The following SCFD2 variants were observed in gnomAD, a reference collection of about 807,000 sequenced individuals.
SCFD2 encodes sec1 family domain-containing protein 2.
In SCFD2, 54 loss-of-function variants were observed where a neutral mutation model predicts 58.9. That is an observed-to-expected ratio of 0.92 (90% confidence interval 0.74 to 1.15). SCFD2 has a LOEUF of 1.15. SCFD2 is among the 50% of genes most tolerant of loss of function. The pLI is 0.00. For missense variants in SCFD2, 805 were observed against 836.6 expected (o/e 0.96, Z 0.47); for synonymous variants, 321 against 335.9 (o/e 0.96, Z 0.49).
At chr4:52,965,949 C>A (rs961185484) in intron 5 of SCFD2, among the ~76,000 whole-genome samples, 3 of 152,288 alleles carry the variant, frequency 2.0e-5, no homozygotes, top group Admixed American at 6.5e-5. Context: ...GGTAAACATG[C>A]CAAATACAGA....
chr4:53,117,202 T>C (rs1725349019), intron 5 of SCFD2, among the ~76,000 whole-genome samples: 1 of 151,956 alleles, frequency 6.6e-6, no homozygotes, highest in Non-Finnish European at 1.5e-5. Flanking sequence ...AACACAGGAG[T>C]AGCACAAGAG....
chr4:52,899,845 A>T (rs1303937664), intron 7 of SCFD2, among the ~76,000 whole-genome samples: 2 of 151,816 alleles, frequency 1.3e-5, no homozygotes, highest in African/African-American at 2.4e-5. Flanking sequence ...GGCTTTGTTC[A>T]TTTCTTTTTA....
At position 53,143,795 on chromosome 4, in the gene SCFD2, T is replaced by TACACACACAC. The variant is rs113492027; in HGVS notation, c.1561+1528_1561+1537dup. ...GAAGAAGTCTTCATACACCTAAACA[T>TACACACACAC]ACACACACACACACACACACACACA... On this transcript the variant is annotated intron_variant, in intron 5 of 8. Transcript: ENST00000401642. Among the ~76,000 whole-genome samples, 355 of 146,652 alleles carry TACACACACAC rather than the reference T, an allele frequency of 2.4e-3. 2 individuals carry two copies. The highest frequency in any genetic ancestry group is 0.011 in the South Asian group (51 of 4,500).
intron 4 of SCFD2, among the ~76,000 whole-genome samples, chr4:53,201,970 A>T (rs868548540): frequency 1.3e-5 from 2 of 151,756 alleles, no homozygotes; most frequent in African/African-American, 2.4e-5. Flanking sequence ...TCCCATTCTG[A>T]AGGTTGCCTG....
At chr4:53,016,866 T>C (rs1722225622) in intron 5 of SCFD2, among the ~76,000 whole-genome samples, 1 of 152,166 alleles carries the variant, frequency 6.6e-6, no homozygotes, top group African/African-American at 2.4e-5. Flanking sequence ...CCCAGCACTT[T>C]GGGAGGCCAA....
chr4:53,360,494 C>T (rs1379080582), intron 1 of SCFD2, among the ~76,000 whole-genome samples: 1 of 152,212 alleles, frequency 6.6e-6, no homozygotes, highest in Non-Finnish European at 1.5e-5. Context: ...GACCACAAAT[C>T]AAAACTTGGT....
chr4:53,016,990 C>T (rs1019931826), intron 5 of SCFD2, among the ~76,000 whole-genome samples: 11 of 152,138 alleles, frequency 7.2e-5, no homozygotes, highest in Admixed American at 5.2e-4. Flanking sequence ...CACCTATAAT[C>T]GCAGCTACTT....
chr4:53,330,703 C>T (rs1429873280), intron 2 of SCFD2, among the ~76,000 whole-genome samples: 3 of 151,648 alleles, frequency 2.0e-5, no homozygotes, highest in Non-Finnish European at 4.4e-5. Context: ...AGCAAAATCA[C>T]CAGCTAACAT....
intron 3 of SCFD2, among the ~76,000 whole-genome samples, chr4:53,294,185 T>C (rs1323020305): frequency 6.6e-6 from 1 of 152,176 alleles, no homozygotes; most frequent in Non-Finnish European, 1.5e-5. Flanking sequence ...GGTCAAATGG[T>C]ATTTCTAGTT....
chr4:53,261,063 T>C (rs532517521), intron 4 of SCFD2, among the ~76,000 whole-genome samples: 1 of 152,324 alleles, frequency 6.6e-6, no homozygotes, highest in Non-Finnish European at 1.5e-5. Flanking sequence ...GTGGTATCAG[T>C]AGTAATATAT....
intron 4 of SCFD2, among the ~76,000 whole-genome samples, chr4:53,267,952 C>T (rs1447778875): frequency 1.3e-5 from 2 of 152,154 alleles, no homozygotes; most frequent in Non-Finnish European, 2.9e-5. Flanking sequence ...AGGAGAAAAT[C>T]TCTGTATAGT....
chr4:52,896,190 G>T (rs1339626328), intron 7 of SCFD2, among the ~76,000 whole-genome samples: 1 of 151,988 alleles, frequency 6.6e-6, no homozygotes, highest in Non-Finnish European at 1.5e-5. Flanking sequence ...GTCAATTTTG[G>T]CTTTTGTTGC....
At chr4:53,201,296 T>A (rs1365161081) in intron 4 of SCFD2, among the ~76,000 whole-genome samples, 1 of 152,032 alleles carries the variant, frequency 6.6e-6, no homozygotes. Context: ...CTCCTTGCCA[T>A]AGTTTGCTGA....
intron 5 of SCFD2, among the ~76,000 whole-genome samples, chr4:53,135,052 GA>G (rs1274915344): frequency 1.3e-5 from 2 of 151,686 alleles, no homozygotes; most frequent in Admixed American, 6.6e-5. Flanking sequence ...ACTTAAGCCA[GA>G]TTAAAATGTA....
intron 4 of SCFD2, among the ~76,000 whole-genome samples, chr4:53,255,201 A>T (rs1319754459): frequency 4.1e-5 from 6 of 146,906 alleles, no homozygotes; most frequent in Non-Finnish European, 7.5e-5. Context: ...TTTCTTTTTT[A>T]TTTATTTATT....
intron 5 of SCFD2, among the ~76,000 whole-genome samples, chr4:52,991,734 A>T (rs1721616571): frequency 6.6e-6 from 1 of 151,714 alleles, no homozygotes; most frequent in African/African-American, 2.4e-5. Flanking sequence ...ATTGGTTCTG[A>T]AACTGGGGGT....
At chr4:53,002,534 A>G (rs1490765902) in intron 5 of SCFD2, among the ~76,000 whole-genome samples, 1 of 152,102 alleles carries the variant, frequency 6.6e-6, no homozygotes, top group Non-Finnish European at 1.5e-5. Context: ...ACCACTACCA[A>G]TCTTGCATTT....
At chr4:53,091,443 GAAT>G (rs973857329) in intron 5 of SCFD2, among the ~76,000 whole-genome samples, 87 of 151,832 alleles carry the variant, frequency 5.7e-4, no homozygotes, top group African/African-American at 2.1e-3. Context: ...ATGAGATTCA[GAAT>G]ATTAAAAAAC....
intron 7 of SCFD2, among the ~76,000 whole-genome samples, chr4:52,889,035 G>A (rs1241831311): frequency 6.6e-6 from 1 of 152,090 alleles, no homozygotes; most frequent in Non-Finnish European, 1.5e-5. Flanking sequence ...CCTGAGCCAG[G>A]CACATGAGAG....
Sources: gnomAD v4.1 joint callset for allele counts (sites outside exome capture counted in the v4.1 genomes callset) on GRCh38, gnomAD v4.1.1 for gene constraint, MANE v1.5 for transcripts, NCBI Gene and HGNC (gene_info 2026-07-23, HGNC 2026-07-21) for gene names.